Variants in LOC400499 observed in about 807,000 individuals in gnomAD.
At chr16:11,375,329 TTGG>T in the LOC400499 span, among the ~76,000 whole-genome samples, 2 of 106,772 alleles carry the variant, frequency 1.9e-5, no homozygotes, top group African/African-American at 3.9e-5. Flanking sequence ...TTTTTTTTTT[TTGG>T]AGACAGAGTC....
chr16:11,449,430 C>G, the LOC400499 span, among the ~76,000 whole-genome samples: 5 of 152,166 alleles, frequency 3.3e-5, no homozygotes, highest in African/African-American at 1.2e-4. Flanking sequence ...CTGAAGGGCA[C>G]ATGCTGGCAG....
the LOC400499 span, among the ~76,000 whole-genome samples, chr16:11,436,516 A>G: frequency 1.3e-3 from 194 of 152,226 alleles, 1 homozygote; most frequent in African/African-American, 4.6e-3. Flanking sequence ...CAGTTTCCCC[A>G]TCTGCAAAGC....
the LOC400499 span, chr16:11,392,277 C>T: frequency 4.5e-5 from 18 of 398,800 alleles, no homozygotes; most frequent in Admixed American, 2.6e-4. Context: ...AGTGGGAGAA[C>T]GGTAACCCCT....
the LOC400499 span, among the ~76,000 whole-genome samples, chr16:11,394,280 G>A: frequency 2.0e-5 from 3 of 152,206 alleles, no homozygotes; most frequent in South Asian, 2.1e-4. Flanking sequence ...CAGGACAGGC[G>A]AGTCTAGAAT....
the LOC400499 span, among the ~76,000 whole-genome samples, chr16:11,394,513 T>C: frequency 3.3e-5 from 5 of 152,234 alleles, no homozygotes; most frequent in Admixed American, 1.3e-4. Context: ...AGAGTGTGTG[T>C]GCGCGTGCAC....
the LOC400499 span, among the ~76,000 whole-genome samples, chr16:11,449,409 G>A: frequency 1.3e-5 from 2 of 151,996 alleles, no homozygotes; most frequent in Admixed American, 6.5e-5. Context: ...AGTAGCCAGG[G>A]TGTCTGTACC....
chr16:11,376,715 A>G, the LOC400499 span, among the ~76,000 whole-genome samples: 12 of 152,202 alleles, frequency 7.9e-5, no homozygotes, highest in African/African-American at 2.4e-4. Context: ...GGATTTTTCT[A>G]TAAGTGAAGA....
chr16:11,502,895 T>G, the LOC400499 span, among the ~76,000 whole-genome samples: 2 of 145,404 alleles, frequency 1.4e-5, no homozygotes, highest in Non-Finnish European at 3.0e-5. Context: ...ATTATAGGCA[T>G]GAGCCACCAC....
At chr16:11,518,259 G>A in the LOC400499 span, among the ~76,000 whole-genome samples, 1 of 152,188 alleles carries the variant, frequency 6.6e-6, no homozygotes, top group Non-Finnish European at 1.5e-5. Context: ...CTTAACAAAT[G>A]AATTTGCAAT....
chr16:11,397,477 G>C, the LOC400499 span, among the ~76,000 whole-genome samples: 1 of 152,104 alleles, frequency 6.6e-6, no homozygotes, highest in African/African-American at 2.4e-5. Flanking sequence ...GTTTCACCAT[G>C]TTAGCCAGGA....
At chr16:11,445,843 T>TG in the LOC400499 span, among the ~76,000 whole-genome samples, 5 of 151,194 alleles carry the variant, frequency 3.3e-5, no homozygotes, top group African/African-American at 1.2e-4. Context: ...CCTTTTTTTT[T>TG]TTTTTCCTGA....
chr16:11,477,136 G>A, the LOC400499 span, among the ~76,000 whole-genome samples: 1 of 152,334 alleles, frequency 6.6e-6, no homozygotes, highest in Non-Finnish European at 1.5e-5. Context: ...TTTTATGGAT[G>A]GGGAAACTGA....
the LOC400499 span, chr16:11,407,325 T>G: frequency 2.5e-6 from 1 of 395,832 alleles, no homozygotes. Flanking sequence ...ACCTCACCCT[T>G]GGAGTAGTGT....
chr16:11,432,179 A>T, the LOC400499 span, among the ~76,000 whole-genome samples: 12 of 152,248 alleles, frequency 7.9e-5, no homozygotes, highest in Admixed American at 7.2e-4. Flanking sequence ...GAACTGACTC[A>T]GCTGAAGGCT....
chr16:11,509,049 C>T, the LOC400499 span, among the ~76,000 whole-genome samples: 1 of 152,100 alleles, frequency 6.6e-6, no homozygotes, highest in Non-Finnish European at 1.5e-5. Flanking sequence ...CACCTATGTA[C>T]CCACCAGCAG....
chr16:11,483,287 G>C, the LOC400499 span, among the ~76,000 whole-genome samples: 1 of 152,176 alleles, frequency 6.6e-6, no homozygotes, highest in African/African-American at 2.4e-5. Flanking sequence ...CCTACCATAT[G>C]ATCTAGCCAC....
At chr16:11,406,502 G>A in the LOC400499 span, among the ~76,000 whole-genome samples, 5 of 152,218 alleles carry the variant, frequency 3.3e-5, no homozygotes, top group South Asian at 4.1e-4. Context: ...GCGCAATCTC[G>A]GCTCACTGCA....
At chr16:11,459,846 G>A in the LOC400499 span, 36 of 1,269,108 alleles carry the variant, frequency 2.8e-5, no homozygotes, top group East Asian at 5.4e-4. Context: ...AGCTCCTACC[G>A]TCCATGCTGG....
chr16:11,416,076 C>T, the LOC400499 span, among the ~76,000 whole-genome samples: 1 of 151,820 alleles, frequency 6.6e-6, no homozygotes, highest in Non-Finnish European at 1.5e-5. Flanking sequence ...GTGTCTCAGG[C>T]TCCTGAGTAG....
Sources: allele counts gnomAD v4.1 joint callset (sites outside exome capture counted in the v4.1 genomes callset), GRCh38; gene constraint gnomAD v4.1.1; transcripts MANE v1.5.